The following SLCO4C1 variants were observed in gnomAD, a reference collection of about 807,000 sequenced individuals.
SLCO4C1 encodes the protein solute carrier organic anion transporter family member 4C1.
Under a neutral mutation model 72.1 loss-of-function variants are expected in SLCO4C1, and 58 were observed. The observed-to-expected ratio is 0.80, with a 90% CI of 0.65 to 1.00. The LOEUF is 1.00. Ranked by LOEUF, SLCO4C1 falls within the 50% of genes least tolerant of loss-of-function variation. The probability of loss-of-function intolerance (pLI) is 0.00; values close to 1 mark genes in which losing one functional copy is unlikely to be tolerated. For missense variants in SLCO4C1, 898 were observed against 857.9 expected, an observed-to-expected ratio of 1.05 and a Z score of -0.58; for synonymous variants, 297 against 312.5, an observed-to-expected ratio of 0.95 and a Z score of 0.52.
chr5:102,246,668 A>G (rs997785541), intron 10 of SLCO4C1, among the ~76,000 whole-genome samples: 8 of 152,190 alleles, frequency 5.3e-5, no homozygotes, highest in African/African-American at 1.9e-4. Context: ...AATACTAAGG[A>G]ACAAAAAAAG....
chr5:102,280,109 A>AAAAAAAAAAG (rs1749326402), intron 2 of SLCO4C1, among the ~76,000 whole-genome samples: 1 of 135,372 alleles, frequency 7.4e-6, no homozygotes, highest in Non-Finnish European at 1.7e-5. Context: ...AAAAAAAAAA[A>AAAAAAAAAAG]AAAAAAAGAG....
intron 2 of SLCO4C1, among the ~76,000 whole-genome samples, chr5:102,283,331 T>C (rs959633479): frequency 1.3e-5 from 2 of 152,030 alleles, no homozygotes; most frequent in African/African-American, 4.8e-5. Context: ...TCAAAGAAAC[T>C]TATCTCCAGG....
intron 8 of SLCO4C1, among the ~76,000 whole-genome samples, chr5:102,255,140 T>C (rs1748811321): frequency 1.3e-5 from 2 of 149,378 alleles, no homozygotes; most frequent in Non-Finnish European, 3.0e-5. Context: ...TTTAGTGATA[T>C]TTATGTGTAT....
At position 102,236,787 on chromosome 5, in the gene SLCO4C1, C is replaced by T; in HGVS notation, c.*71G>A. The T allele has an allele frequency of 7.0e-7, 1 of 1,428,438 alleles. No homozygotes were observed. The highest frequency in any genetic ancestry group is 9.7e-7 in the Non-Finnish European group (1 of 1,032,756). The allele number at this position is 1,428,438 out of a possible 1,614,324, so 88.5% of individuals were successfully genotyped here. On this transcript the variant is annotated 3_prime_UTR_variant, in exon 13 of 13. Transcript: ENST00000310954. ...TGTCCATATTGGATAGATAATCCTG[C>T]CATGGCAATGTGTGTTCTTAAAAAT...
chr5:102,277,359 C>A (rs543761616), intron 2 of SLCO4C1, among the ~76,000 whole-genome samples: 1 of 151,172 alleles, frequency 6.6e-6, no homozygotes, highest in South Asian at 2.1e-4. Context: ...GATCCTCACC[C>A]CTCGTGCCAG....
At chr5:102,282,365 TACG>T (rs769190733) in intron 2 of SLCO4C1, among the ~76,000 whole-genome samples, 3 of 151,974 alleles carry the variant, frequency 2.0e-5, no homozygotes, top group Non-Finnish European at 4.4e-5. Flanking sequence ...AGAAAAACAG[TACG>T]ACAATTCCGA....
intron 11 of SLCO4C1, 111 bp downstream of exon 11, chr5:102,240,607 T>C: frequency 2.6e-6 from 2 of 777,684 alleles, no homozygotes; most frequent in Non-Finnish European, 4.3e-6. Flanking sequence ...ACAAGAATGA[T>C]GTAGCCTTCC....
intron 9 of SLCO4C1, among the ~76,000 whole-genome samples, chr5:102,249,222 A>G (rs1023612597): frequency 2.6e-5 from 4 of 152,124 alleles, no homozygotes; most frequent in Admixed American, 1.3e-4. Flanking sequence ...TCAAAAATAC[A>G]GTATTCGCAG....
chr5:102,260,088 G>GTA (rs72386816), intron 6 of SLCO4C1, 125 bp downstream of exon 6: 103 of 247,412 alleles, frequency 4.2e-4, no homozygotes, highest in African/African-American at 1.8e-3. Flanking sequence ...GGTTGTATTT[G>GTA]TATATATATA....
At chr5:102,251,296 A>G (rs1158991938) in intron 8 of SLCO4C1, among the ~76,000 whole-genome samples, 2 of 152,200 alleles carry the variant, frequency 1.3e-5, no homozygotes, top group Non-Finnish European at 2.9e-5. Flanking sequence ...ACAGAGTATG[A>G]ATTTGAAGAA....
At chr5:102,256,633 T>C (rs1561370300) in intron 8 of SLCO4C1, among the ~76,000 whole-genome samples, 1 of 152,222 alleles carries the variant, frequency 6.6e-6, no homozygotes, top group Non-Finnish European at 1.5e-5. Flanking sequence ...TTTATTTATT[T>C]ACAATAAACA....
rs560423215 is a variant in SLCO4C1, at chr5:102,234,555, C to G, written c.*2303G>C. The G allele has an allele frequency of 6.6e-6, 1 of 152,410 alleles. No individual in the cohort carries two copies. Among genetic ancestry groups the G allele is most frequent in the South Asian group, 2.1e-4 (1 of 4,824 alleles). The allele number at this position is 152,410 out of a possible 1,614,324, so 9.4% of individuals were successfully genotyped here. ...AATGCAGCCCTTGATAGCTAAGAAT[C>G]TTTATAAACGCCAATGATTTAGTGA... On this transcript the variant is annotated 3_prime_UTR_variant, in exon 13 of 13. Coordinates refer to ENST00000310954, the MANE Select transcript of SLCO4C1 (RefSeq NM_180991.5).
At chr5:102,287,045 A>G (rs371359225) in intron 2 of SLCO4C1, among the ~76,000 whole-genome samples, 3 of 152,166 alleles carry the variant, frequency 2.0e-5, no homozygotes, top group East Asian at 3.8e-4. Flanking sequence ...CTCACTGTCC[A>G]TCTTAAATTA....
chr5:102,290,429 G>C (rs1345095807), intron 2 of SLCO4C1, among the ~76,000 whole-genome samples: 1 of 152,162 alleles, frequency 6.6e-6, no homozygotes, highest in African/African-American at 2.4e-5. Context: ...ATTCATGAAT[G>C]ATCCATCTCC....
rs1350143977 is a variant in SLCO4C1 at position 102,265,961 on chromosome 5, C to G, written c.803-2181G>C. 3.3e-5 allele frequency among the ~76,000 whole-genome samples: 5 copies of G among 152,030 alleles called. No individual in the cohort carries two copies. The East Asian group carries it at 9.7e-4, about 29-fold the overall frequency. ...AATCCATGAGCATGGGATGCCTTTC[C>G]ATTTTTTTTCTGTTTTCAGTTTCTG... is the stretch of plus-strand genomic sequence containing the variant. On this transcript the variant is annotated intron_variant, in intron 3 of 12. Transcript: ENST00000310954.
intron 8 of SLCO4C1, among the ~76,000 whole-genome samples, chr5:102,254,936 A>T (rs977188322): frequency 1.2e-4 from 18 of 152,112 alleles, no homozygotes; most frequent in African/African-American, 4.1e-4. Context: ...CTTAGATGAG[A>T]CTAGTTTGAC....
At chr5:102,282,600 T>A (rs1472709990) in intron 2 of SLCO4C1, among the ~76,000 whole-genome samples, 1 of 152,002 alleles carries the variant, frequency 6.6e-6, no homozygotes, top group Non-Finnish European at 1.5e-5. Context: ...TTTACTAATA[T>A]AAAATGTGTC....
chr5:102,256,471 G>A lies in SLCO4C1; in HGVS notation c.1469+644C>T, dbSNP rs186941190. Among the ~76,000 whole-genome samples, 438 of 152,286 alleles carry A rather than the reference G, an allele frequency of 2.9e-3. 1 individual carries two copies. Among genetic ancestry groups the A allele is most frequent in the African/African-American group, 0.01 (419 of 41,572 alleles). On this transcript the variant is annotated intron_variant, in intron 8 of 12. Transcript: ENST00000310954. ...AATGAAACAATTAAAGCAGCACTGT[G>A]AGGTATAAAATGCACTGCTGTGCAA... is the stretch of plus-strand genomic sequence containing the variant.
At chr5:102,261,258 C>A (rs373849378) in intron 5 of SLCO4C1, among the ~76,000 whole-genome samples, 17 of 151,812 alleles carry the variant, frequency 1.1e-4, no homozygotes, top group African/African-American at 4.1e-4. Flanking sequence ...AATAAAAATA[C>A]AAAATTAGCC....
Sources: gnomAD v4.1 joint callset for allele counts (sites outside exome capture counted in the v4.1 genomes callset) on GRCh38, gnomAD v4.1.1 for gene constraint, MANE v1.5 for transcripts, NCBI Gene and HGNC (gene_info 2026-07-23, HGNC 2026-07-21) for gene names.